UNC5D: variants seen among roughly 807,000 people sequenced by gnomAD.
UNC5D encodes the protein netrin receptor UNC5D.
UNC5D carries 39 observed loss-of-function variants against 105.4 expected under a neutral mutation model. That is an observed-to-expected ratio of 0.37 (90% CI 0.29 to 0.48). The LOEUF (loss-of-function observed/expected upper bound fraction) is 0.48. Ranked by LOEUF, UNC5D falls within the 20% of genes least tolerant of loss-of-function variation. The pLI is 0.98. For synonymous variants in UNC5D, 452 were observed against 450.4 expected (o/e 1.00, Z -0.04); for missense variants, 991 against 1,202.4 (o/e 0.82, Z 2.60).
intron 16 of UNC5D, 63 bp downstream of exon 16, chr8:35,774,540 T>G: frequency 1.9e-6 from 3 of 1,577,418 alleles, no homozygotes; most frequent in Non-Finnish European, 2.6e-6. Flanking sequence ...TAAAGTGGGC[T>G]AAGTGAAACC....
chr8:35,652,822 C>G (rs1478737703), intron 4 of UNC5D, among the ~76,000 whole-genome samples: 2 of 148,794 alleles, frequency 1.3e-5, no homozygotes, highest in African/African-American at 2.5e-5. Flanking sequence ...CCTGTATTCT[C>G]TTGATCTCAC....
intron 1 of UNC5D, among the ~76,000 whole-genome samples, chr8:35,259,716 C>A (rs1204757413): frequency 6.7e-6 from 1 of 149,842 alleles, no homozygotes; most frequent in Non-Finnish European, 1.5e-5. Context: ...GCAACTTTAG[C>A]GAGAGAGAAG....
At chr8:35,321,102 C>T (rs1180151661) in intron 1 of UNC5D, among the ~76,000 whole-genome samples, 1 of 152,106 alleles carries the variant, frequency 6.6e-6, no homozygotes, top group African/African-American at 2.4e-5. Flanking sequence ...TTTGCATCAG[C>T]TTTATTGTTC....
At chr8:35,323,887 C>T (rs1362168144) in intron 1 of UNC5D, among the ~76,000 whole-genome samples, 5 of 152,032 alleles carry the variant, frequency 3.3e-5, no homozygotes, top group African/African-American at 9.7e-5. Context: ...AATCCCTGGT[C>T]GGTGCTCTTA....
chr8:35,495,585 C>T (rs191924343), intron 1 of UNC5D, among the ~76,000 whole-genome samples: 1 of 151,312 alleles, frequency 6.6e-6, no homozygotes, highest in African/African-American at 2.4e-5. Flanking sequence ...ATGTAGAGAT[C>T]AGCCTTAAAG....
chr8:35,703,482 A>AG (rs1485580027), intron 7 of UNC5D, among the ~76,000 whole-genome samples: 3 of 152,172 alleles, frequency 2.0e-5, no homozygotes, highest in African/African-American at 4.8e-5. Flanking sequence ...GCTAGGTTAG[A>AG]GGGGGAAGTG....
At chr8:35,767,087 TCATTTGACCCC>T (rs1361440574) in intron 15 of UNC5D, 21 bp downstream of exon 15, 20 of 1,590,490 alleles carry the variant, frequency 1.3e-5, no homozygotes, top group African/African-American at 2.7e-5. Flanking sequence ...GATCTACAGG[TCATTTGACCCC>T]CTTTCTGAAG....
intron 1 of UNC5D, among the ~76,000 whole-genome samples, chr8:35,286,770 C>A (rs977507978): frequency 1.3e-5 from 2 of 152,212 alleles, no homozygotes; most frequent in Admixed American, 6.5e-5. Flanking sequence ...CCCAAGTCCA[C>A]ACATGTCTAT....
intron 7 of UNC5D, among the ~76,000 whole-genome samples, chr8:35,699,169 G>A (rs972193258): frequency 5.9e-5 from 9 of 152,100 alleles, no homozygotes; most frequent in Non-Finnish European, 1.0e-4. Context: ...AATGAAGTTG[G>A]TATCAATCTA....
intron 2 of UNC5D, among the ~76,000 whole-genome samples, chr8:35,559,620 C>T (rs1036791458): frequency 6.6e-6 from 1 of 152,218 alleles, no homozygotes; most frequent in Non-Finnish European, 1.5e-5. Flanking sequence ...TGAATGTTAA[C>T]TACTATTCCA....
intron 3 of UNC5D, among the ~76,000 whole-genome samples, chr8:35,590,045 T>G (rs1160733951): frequency 1.3e-5 from 2 of 152,128 alleles, no homozygotes; most frequent in Admixed American, 1.3e-4. Flanking sequence ...TTCCAAAATT[T>G]GACATTTCTT....
rs755290505 is a variant in UNC5D, at chr8:35,650,531, G to A, written c.571-33016G>A. ...CACCCAGGCTGGAGTGCAATGGTGCGATCTCGGCTCACTGCAACATTTGCC... is the reference window on the plus strand; with the variant it reads ...CACCCAGGCTGGAGTGCAATGGTGCAATCTCGGCTCACTGCAACATTTGCC... On this transcript the variant is annotated intron_variant, in intron 4 of 16. Coordinates refer to ENST00000404895, the MANE Select transcript of UNC5D (RefSeq NM_080872.4). Among the ~76,000 whole-genome samples, 73 of 152,152 alleles carry A rather than the reference G, an allele frequency of 4.8e-4. 1 individual carries two copies. Among genetic ancestry groups the A allele is most frequent in the Non-Finnish European group, 3.8e-4 (26 of 67,998 alleles).
In UNC5D at chr8:35,248,328, A is replaced by AAG. The variant is rs1803342206; in HGVS notation, c.103+12442_103+12443insGA. Among the ~76,000 whole-genome samples, 18 of 116,288 alleles carry AAG rather than the reference A, an allele frequency of 1.5e-4. 4 individuals are homozygous for AAG. Among genetic ancestry groups the AAG allele is most frequent in the African/African-American group, 4.7e-4 (13 of 27,690 alleles). 76.3% of individuals were successfully genotyped at this position (116,288 alleles called of 152,430 possible). A position where few individuals can be genotyped will look rare whatever the true frequency, so the allele number is the denominator to read the frequency against. On this transcript the variant is annotated intron_variant, in intron 1 of 16. Transcript: ENST00000404895. Reference sequence around the variant, plus strand: ...TATAATATATAAATATATGTTATATAAAATATATAATATATAAATATATGT... The same window carrying AAG: ...TATAATATATAAATATATGTTATATAAGAAATATATAATATATAAATATATGT...
At chr8:35,461,692 C>G (rs1808907509) in intron 1 of UNC5D, among the ~76,000 whole-genome samples, 2 of 152,178 alleles carry the variant, frequency 1.3e-5, no homozygotes, top group South Asian at 4.1e-4. Context: ...CATTTGCGCT[C>G]ACAGCACCCC....
chr8:35,773,092 G>A (rs969662806), intron 15 of UNC5D, among the ~76,000 whole-genome samples: 1 of 152,104 alleles, frequency 6.6e-6, no homozygotes, highest in Non-Finnish European at 1.5e-5. Flanking sequence ...TCAGTCAATT[G>A]ATTAGGGACA....
intron 4 of UNC5D, among the ~76,000 whole-genome samples, chr8:35,632,676 G>A (rs1030881105): frequency 7.9e-5 from 12 of 152,134 alleles, no homozygotes; most frequent in African/African-American, 2.9e-4. Flanking sequence ...CTGCAGAACA[G>A]TGCACATGGT....
chr8:35,621,705 A>G (rs1821368639), intron 4 of UNC5D, among the ~76,000 whole-genome samples: 1 of 152,202 alleles, frequency 6.6e-6, no homozygotes, highest in African/African-American at 2.4e-5. Flanking sequence ...CCATAGATGA[A>G]TACCATCAGG....
At chr8:35,251,161 A>G (rs1403230010) in intron 1 of UNC5D, among the ~76,000 whole-genome samples, 4 of 152,124 alleles carry the variant, frequency 2.6e-5, no homozygotes, top group Non-Finnish European at 5.9e-5. Context: ...TCATGTTGCT[A>G]TAAGAACATA....
At chr8:35,482,631 T>C (rs933748274) in intron 1 of UNC5D, among the ~76,000 whole-genome samples, 1 of 152,042 alleles carries the variant, frequency 6.6e-6, no homozygotes, top group Admixed American at 6.6e-5. Context: ...CATTTAAGTA[T>C]TTACTTTGGT....
Sources: gnomAD v4.1 joint callset for allele counts (sites outside exome capture counted in the v4.1 genomes callset) on GRCh38, gnomAD v4.1.1 for gene constraint, MANE v1.5 for transcripts, NCBI Gene and HGNC (gene_info 2026-07-23, HGNC 2026-07-21) for gene names.